CSGALNACT1: variants seen among roughly 807,000 people sequenced by gnomAD.
CSGALNACT1 encodes the protein chondroitin sulfate N-acetylgalactosaminyltransferase 1.
A neutral mutation model predicts 51.0 loss-of-function variants in CSGALNACT1; 52 were observed. The ratio of observed to expected loss-of-function variants is 1.02; its 90% confidence interval spans 0.82 to 1.29. CSGALNACT1 has a LOEUF of 1.29. Ranked by LOEUF, CSGALNACT1 falls within the 50% of genes most tolerant of loss-of-function variation. The probability of loss-of-function intolerance (pLI) is 0.00; values close to 1 mark genes in which losing one functional copy is unlikely to be tolerated. For synonymous variants in CSGALNACT1, 341 were observed against 254.4 expected (o/e 1.34, Z -3.24); for missense variants, 935 against 679.2 (o/e 1.38, Z -4.19).
At chr8:19,614,906 A>T (rs760999281) in intron 1 of CSGALNACT1, among the ~76,000 whole-genome samples, 2 of 152,234 alleles carry the variant, frequency 1.3e-5, no homozygotes, top group Non-Finnish European at 2.9e-5. Context: ...AGAAGACAGG[A>T]TGTGTAACAG....
intron 1 of CSGALNACT1, among the ~76,000 whole-genome samples, chr8:19,743,364 T>C (rs778680078): frequency 6.6e-6 from 1 of 152,174 alleles, no homozygotes; most frequent in African/African-American, 2.4e-5. Context: ...TGCCTGAGTG[T>C]GTGTGCACAA....
rs1163621727 is a variant in CSGALNACT1, at chr8:19,533,146, T to C, written c.-296-27016A>G. Among the ~76,000 whole-genome samples, 3 of 152,178 alleles carry C rather than the reference T, an allele frequency of 2.0e-5. No individual in the cohort carries two copies. The East Asian group carries it at 5.8e-4, about 29-fold the overall frequency. The stretch of plus-strand genomic sequence containing the variant: ...GTTTTTGTTTTTGAGAGACAAGGTC[T>C]CCCTCTGTCACCCAGGCTGGAGTGT... On this transcript the variant is annotated intron_variant, in intron 3 of 9. Coordinates refer to ENST00000454498, the Ensembl canonical transcript of CSGALNACT1.
At chr8:19,411,388 A>C (rs527285016) in intron 8 of CSGALNACT1, among the ~76,000 whole-genome samples, 92 of 152,294 alleles carry the variant, frequency 6.0e-4, no homozygotes, top group African/African-American at 2.1e-3. Flanking sequence ...TCACGACTAC[A>C]TCTCCAGCAC....
At chr8:19,631,552 G>A (rs991149898) in intron 1 of CSGALNACT1, among the ~76,000 whole-genome samples, 1 of 152,184 alleles carries the variant, frequency 6.6e-6, no homozygotes, top group Non-Finnish European at 1.5e-5. Context: ...GCTCCAGTGA[G>A]AACAAAATTC....
intron 3 of CSGALNACT1, among the ~76,000 whole-genome samples, chr8:19,523,776 GGGTA>G (rs2081168981): frequency 6.6e-6 from 1 of 152,204 alleles, no homozygotes; most frequent in Non-Finnish European, 1.5e-5. Flanking sequence ...GTCCTCACCA[GGGTA>G]ATGGGGAGTG....
intron 3 of CSGALNACT1, among the ~76,000 whole-genome samples, chr8:19,570,579 G>A (rs1277274043): frequency 5.9e-5 from 9 of 152,164 alleles, no homozygotes; most frequent in African/African-American, 2.2e-4. Context: ...TCAGGACAGT[G>A]GCACACGCTG....
chr8:19,597,822 A>T (rs528153512), intron 2 of CSGALNACT1, among the ~76,000 whole-genome samples: 1 of 152,366 alleles, frequency 6.6e-6, no homozygotes, highest in East Asian at 1.9e-4. Flanking sequence ...GTGAAGTAGG[A>T]ACATACATAT....
At chr8:19,699,686 T>C (rs2061757959) in intron 1 of CSGALNACT1, among the ~76,000 whole-genome samples, 1 of 152,226 alleles carries the variant, frequency 6.6e-6, no homozygotes, top group South Asian at 2.1e-4. Flanking sequence ...TTTTGCAAGA[T>C]GAAGAGTTCT....
Position 19,504,305 on chromosome 8 carries a change from C to T in CSGALNACT1, c.634+896G>A, listed in dbSNP as rs192554210. Among the ~76,000 whole-genome samples the T allele has an allele frequency of 6.8e-3, 1,030 of 152,072 alleles. 7 individuals carry two copies. The highest frequency in any genetic ancestry group is 0.01 in the Non-Finnish European group (706 of 67,946). ...GTTAGCCAGGATGGTCTCGATCTCC[C>T]GACCTCATGATCCGCCTGCCTGGGC... On this transcript the variant is annotated intron_variant, in intron 4 of 9. Coordinates refer to ENST00000454498, the Ensembl canonical transcript of CSGALNACT1.
chr8:19,457,378 C>T (rs2064326976), intron 5 of CSGALNACT1, among the ~76,000 whole-genome samples: 1 of 152,088 alleles, frequency 6.6e-6, no homozygotes, highest in Admixed American at 6.5e-5. Flanking sequence ...TTTGAGAGGC[C>T]GAGGTGAGCA....
intron 1 of CSGALNACT1, among the ~76,000 whole-genome samples, chr8:19,621,409 T>C (rs1297184108): frequency 6.6e-6 from 1 of 152,242 alleles, no homozygotes; most frequent in South Asian, 2.1e-4. Flanking sequence ...ATTGTATCTA[T>C]AGAAAACCTA....
Position 19,501,400 on chromosome 8 carries a change from C to T in CSGALNACT1, c.634+3801G>A, listed in dbSNP as rs114776951. On this transcript the variant is annotated intron_variant, in intron 4 of 9. Coordinates refer to ENST00000454498, the Ensembl canonical transcript of CSGALNACT1. ...AAGGCCCCAACACTTAATGCTATCA[C>T]GTTGGCAACATCTGAACTTTGGAGG... is the stretch of plus-strand genomic sequence containing the variant. 2.2e-3 allele frequency among the ~76,000 whole-genome samples: 333 copies of T among 152,336 alleles called. 2 individuals carry two copies. The highest frequency in any genetic ancestry group is 7.1e-3 in the African/African-American group (296 of 41,578).
At chr8:19,527,233 C>T (rs189809513) in intron 3 of CSGALNACT1, among the ~76,000 whole-genome samples, 13 of 152,276 alleles carry the variant, frequency 8.5e-5, no homozygotes, top group Admixed American at 4.6e-4. Flanking sequence ...CCTAACCTCA[C>T]GCATTCAGAA....
intron 6 of CSGALNACT1, among the ~76,000 whole-genome samples, chr8:19,433,749 CACA>C (rs571709495): frequency 9.5e-4 from 144 of 152,356 alleles, no homozygotes; most frequent in African/African-American, 3.4e-3. Context: ...TGCAACCCAA[CACA>C]ACATCATAAA....
rs558046739 is a variant in CSGALNACT1 at position 19,484,766 on chromosome 8, G to A, written c.634+20435C>T. On this transcript the variant is annotated intron_variant, in intron 4 of 9. Transcript: ENST00000454498. The stretch of plus-strand genomic sequence containing the variant: ...AGAATACCAAGAAGTACTTTTGTGG[G>A]CTTTTAAGTAAGTTATTAAGTTACA... Among the ~76,000 whole-genome samples the A allele has an allele frequency of 2.6e-5, 4 of 152,252 alleles. No homozygotes were observed. The East Asian group carries it at 7.7e-4, about 29-fold the overall frequency.
At chr8:19,616,024 A>G (rs1274830927) in intron 1 of CSGALNACT1, among the ~76,000 whole-genome samples, 3 of 152,244 alleles carry the variant, frequency 2.0e-5, no homozygotes, top group Non-Finnish European at 4.4e-5. Context: ...AAAATTACCA[A>G]GACACTGTGG....
At chr8:19,669,730 C>T (rs944240844) in intron 1 of CSGALNACT1, among the ~76,000 whole-genome samples, 2 of 152,328 alleles carry the variant, frequency 1.3e-5, no homozygotes, top group East Asian at 3.9e-4. Context: ...TGGCCTTGGC[C>T]TGCCAAAGTG....
At chr8:19,530,217 G>C (rs892457211) in intron 3 of CSGALNACT1, among the ~76,000 whole-genome samples, 1 of 142,074 alleles carries the variant, frequency 7.0e-6, no homozygotes, top group Non-Finnish European at 1.5e-5. Flanking sequence ...CGAGACTCTG[G>C]CTGAAAAAAC....
At chr8:19,597,785 A>G (rs1001213347) in intron 2 of CSGALNACT1, among the ~76,000 whole-genome samples, 5 of 152,240 alleles carry the variant, frequency 3.3e-5, no homozygotes, top group African/African-American at 7.2e-5. Flanking sequence ...GTCTTCAGAC[A>G]CCAGCAACTC....
Sources: gnomAD v4.1 joint callset for allele counts (sites outside exome capture counted in the v4.1 genomes callset) on GRCh38, gnomAD v4.1.1 for gene constraint, MANE v1.5 for transcripts, NCBI Gene and HGNC (gene_info 2026-07-23, HGNC 2026-07-21) for gene names.